ACBD3: variants seen among roughly 807,000 people sequenced by gnomAD.
ACBD3 encodes the protein Golgi resident protein GCP60.
ACBD3 carries 30 observed loss-of-function variants against 66.9 expected under a neutral mutation model. The observed-to-expected ratio is 0.45, with a 90% CI of 0.34 to 0.61. The LOEUF (loss-of-function observed/expected upper bound fraction) is 0.61. Ranked by LOEUF, ACBD3 falls within the 20% of genes least tolerant of loss-of-function variation. The probability of loss-of-function intolerance (pLI) is 0.02; values close to 1 mark genes in which losing one functional copy is unlikely to be tolerated. For synonymous variants in ACBD3, 278 were observed against 259.8 expected (o/e 1.07, Z -0.68); for missense variants, 544 against 664.5 (o/e 0.82, Z 1.99).
intron 1 of ACBD3, among the ~76,000 whole-genome samples, chr1:226,173,734 A>G (rs1447886342): frequency 5.3e-5 from 7 of 132,066 alleles, no homozygotes; most frequent in Non-Finnish European, 8.2e-5. Context: ...GGTGAGAATA[A>G]TTTTCTTCTT....
intron 3 of ACBD3, among the ~76,000 whole-genome samples, chr1:226,163,465 C>A (rs557602647): frequency 4.7e-4 from 71 of 152,120 alleles, no homozygotes; most frequent in African/African-American, 1.6e-3. Flanking sequence ...AAATCTCATT[C>A]TTTTCTCATA....
intron 4 of ACBD3, among the ~76,000 whole-genome samples, chr1:226,160,876 C>T (rs979536389): frequency 1.3e-5 from 2 of 152,208 alleles, no homozygotes; most frequent in African/African-American, 4.8e-5. Flanking sequence ...ACTGGACCAA[C>T]AAGATTCTCT....
intron 6 of ACBD3, 165 bp downstream of exon 6, chr1:226,154,480 CTA>C (rs1030993984): frequency 2.8e-6 from 2 of 711,020 alleles, no homozygotes; most frequent in African/African-American, 1.8e-5. Context: ...CTACACTGGT[CTA>C]TGAGTCACCA....
intron 1 of ACBD3, among the ~76,000 whole-genome samples, chr1:226,178,447 C>T (rs533732317): frequency 4.0e-5 from 6 of 151,608 alleles, no homozygotes; most frequent in South Asian, 2.1e-4. Flanking sequence ...TGGTGGCGGG[C>T]GCCTGTAGTC....
chr1:226,169,169 C>G (rs1239391121), intron 1 of ACBD3, among the ~76,000 whole-genome samples: 1 of 152,054 alleles, frequency 6.6e-6, no homozygotes, highest in Non-Finnish European at 1.5e-5. Context: ...ACCCCCTTCT[C>G]GCTTTTAACA....
intron 1 of ACBD3, among the ~76,000 whole-genome samples, chr1:226,179,142 C>G (rs756864069): frequency 1.7e-4 from 26 of 152,158 alleles, no homozygotes; most frequent in Non-Finnish European, 3.5e-4. Flanking sequence ...GTTATTTAAT[C>G]TTTTGAAATC....
intron 1 of ACBD3, among the ~76,000 whole-genome samples, chr1:226,182,049 G>T (rs1315857657): frequency 6.6e-6 from 1 of 151,992 alleles, no homozygotes; most frequent in Non-Finnish European, 1.5e-5. Flanking sequence ...GGGCAACAAA[G>T]CAAGACCTCT....
At chr1:226,149,188 C>T (rs1014790872) in intron 7 of ACBD3, among the ~76,000 whole-genome samples, 15 of 152,130 alleles carry the variant, frequency 9.9e-5, no homozygotes, top group African/African-American at 3.6e-4. Flanking sequence ...ATTACCTCAA[C>T]CAACTTCTGA....
intron 3 of ACBD3, among the ~76,000 whole-genome samples, chr1:226,162,610 G>C (rs896106655): frequency 1.3e-5 from 2 of 152,064 alleles, no homozygotes; most frequent in African/African-American, 4.8e-5. Context: ...AGAGTGGTAT[G>C]GTGTTCAGGG....
intron 3 of ACBD3, among the ~76,000 whole-genome samples, chr1:226,162,798 AT>A (rs1247600853): frequency 0.024 from 3,313 of 139,534 alleles, 64 homozygotes; most frequent in African/African-American, 0.063. Context: ...AACATGACCT[AT>A]TTTTTTTTTT....
chr1:226,165,343 T>A (rs1372438503), intron 2 of ACBD3, among the ~76,000 whole-genome samples: 4 of 151,988 alleles, frequency 2.6e-5, no homozygotes, highest in Admixed American at 2.0e-4. Context: ...GCTAATTTTT[T>A]AATTTTTAGT....
chr1:226,183,789 C>A (rs2102792665), intron 1 of ACBD3, among the ~76,000 whole-genome samples: 1 of 149,510 alleles, frequency 6.7e-6, no homozygotes. Flanking sequence ...GAGGCAGAGG[C>A]AGGAGAATCA....
Position 226,164,817 on chromosome 1 carries a change from T to A in ACBD3, c.541A>T (p.Ile181Leu), listed in dbSNP as rs954503432. The change falls in exon 3 of 8, where the codon ATA becomes TTA. Residue 181 changes from isoleucine to leucine, a missense_variant. Coordinates refer to ENST00000366812, the MANE Select transcript of ACBD3 (RefSeq NM_022735.4). ...LFSTYVASHK[I>L]EKEEQEKKRK... The stretch of plus-strand genomic sequence containing the variant: ...TTTTTTTCTTGCTCTTCCTTCTCTA[T>A]TTTGTGGGACGCAACATATGTTGAA... 9 of 1,610,000 alleles carry A rather than the reference T, an allele frequency of 5.6e-6. No individual in the cohort carries two copies. The highest frequency in any genetic ancestry group is 5.9e-6 in the Non-Finnish European group (7 of 1,178,394).
intron 1 of ACBD3, among the ~76,000 whole-genome samples, chr1:226,180,232 C>G (rs1656142167): frequency 6.9e-6 from 1 of 145,906 alleles, no homozygotes; most frequent in Non-Finnish European, 1.5e-5. Flanking sequence ...GAGTAGGAAA[C>G]ACTCTGGGAA....
rs377567212 is a variant in ACBD3 at position 226,186,709 on chromosome 1, C to G, written c.-34G>C. ...GCTGCACCTCCTCAGCGGGGACAGACGGCAGCCACGTATCGACTTCCTGCT... is the reference window on the plus strand; with the variant it reads ...GCTGCACCTCCTCAGCGGGGACAGAGGGCAGCCACGTATCGACTTCCTGCT... On this transcript the variant is annotated 5_prime_UTR_variant, in exon 1 of 8. Coordinates refer to ENST00000366812, the MANE Select transcript of ACBD3 (RefSeq NM_022735.4). 79 of 1,445,860 alleles carry G rather than the reference C, an allele frequency of 5.5e-5. No individual in the cohort carries two copies. The highest frequency in any genetic ancestry group is 6.6e-5 in the Non-Finnish European group (73 of 1,104,112). The allele number at this position is 1,445,860 out of a possible 1,614,324, so 89.6% of individuals were successfully genotyped here.
At chr1:226,174,027 G>C (rs1464242714) in intron 1 of ACBD3, among the ~76,000 whole-genome samples, 4 of 151,954 alleles carry the variant, frequency 2.6e-5, no homozygotes, top group African/African-American at 7.3e-5. Flanking sequence ...GAGCCCCGAA[G>C]ACCTGGGATT....
chr1:226,170,353 T>TTTTC (rs2102785553), intron 1 of ACBD3, among the ~76,000 whole-genome samples: 1 of 149,854 alleles, frequency 6.7e-6, no homozygotes, highest in East Asian at 2.0e-4. Flanking sequence ...TTTTTTTTTT[T>TTTTC]TTAGTAGAGA....
Position 226,176,429 on chromosome 1 carries a change from C to CAAAAA in ACBD3, c.286+9956_286+9960dup, listed in dbSNP as rs34313392. 7.7e-4 allele frequency among the ~76,000 whole-genome samples: 64 copies of CAAAAA among 83,032 alleles called. 1 individual carries two copies. The highest frequency in any genetic ancestry group is 1.5e-3 in the East Asian group (4 of 2,724). 54.5% of individuals were successfully genotyped at this position (83,032 alleles called of 152,430 possible). A position where few individuals can be genotyped will look rare whatever the true frequency, so the allele number is the denominator to read the frequency against. On this transcript the variant is annotated intron_variant, in intron 1 of 7. Transcript: ENST00000366812. ...TGGGCTACAGAGCGAGACTCCGTCT[C>CAAAAA]AAAAAAAAAAAAAAAAAAAAGCTTT...
chr1:226,180,143 C>G (rs903961981), intron 1 of ACBD3, among the ~76,000 whole-genome samples: 2 of 150,096 alleles, frequency 1.3e-5, no homozygotes, highest in Non-Finnish European at 3.0e-5. Context: ...TCCACTCCAG[C>G]CTGGGCAACA....
Sources: gnomAD v4.1 joint callset for allele counts (sites outside exome capture counted in the v4.1 genomes callset) on GRCh38, gnomAD v4.1.1 for gene constraint, MANE v1.5 for transcripts, NCBI Gene and HGNC (gene_info 2026-07-23, HGNC 2026-07-21) for gene names.